Variants in IL1RAPL1 observed in about 807,000 individuals in gnomAD.
IL1RAPL1 encodes the protein interleukin-1 receptor accessory protein-like 1.
A neutral mutation model predicts 48.4 loss-of-function variants in IL1RAPL1; 3 were observed. The observed-to-expected ratio is 0.06, with a 90% confidence interval of 0.03 to 0.16. The LOEUF (loss-of-function observed/expected upper bound fraction) is 0.16. IL1RAPL1 is among the 10% of genes least tolerant of loss of function. IL1RAPL1 has a pLI of 1.00. For synonymous variants in IL1RAPL1, 185 were observed against 187.7 expected (o/e 0.99, Z 0.12); for missense variants, 349 against 530.6 (o/e 0.66, Z 3.36).
At chrX:29,603,595 C>T (rs1013547971) in intron 5 of IL1RAPL1, among the ~76,000 whole-genome samples, 6 of 111,640 alleles carry the variant, frequency 5.4e-5, no homozygotes, top group Non-Finnish European at 1.1e-4. Context: ...CACCCCCCAC[C>T]ACCTCCACTG....
chrX:29,678,121 A>G (rs1287568084), intron 6 of IL1RAPL1, among the ~76,000 whole-genome samples: 1 of 110,922 alleles, frequency 9.0e-6, no homozygotes, highest in Non-Finnish European at 1.9e-5. Flanking sequence ...TATATGTTTA[A>G]TAATTTCTTT....
At chrX:29,931,838 A>G (rs1275613975) in intron 8 of IL1RAPL1, among the ~76,000 whole-genome samples, 1 of 112,347 alleles carries the variant, frequency 8.9e-6, no homozygotes, top group Non-Finnish European at 1.9e-5. Flanking sequence ...CTTAACAAGG[A>G]GTAAAATGGC....
chrX:29,336,269 C>T (rs1174745051), intron 3 of IL1RAPL1, among the ~76,000 whole-genome samples: 7 of 57,472 alleles, frequency 1.2e-4, no homozygotes, highest in Non-Finnish European at 1.6e-4. Flanking sequence ...ATATATATGC[C>T]ATATATATAT....
intron 2 of IL1RAPL1, among the ~76,000 whole-genome samples, chrX:29,191,926 G>T (rs1014653522): frequency 9.0e-6 from 1 of 111,448 alleles, no homozygotes; most frequent in Admixed American, 9.6e-5. Flanking sequence ...GCTCCTTGTC[G>T]CACGTGGCCC....
intron 6 of IL1RAPL1, among the ~76,000 whole-genome samples, chrX:29,774,153 C>A (rs762002005): frequency 9.2e-6 from 1 of 108,403 alleles, no homozygotes; most frequent in Non-Finnish European, 1.9e-5. Context: ...CCCCTCCCCA[C>A]CCCCGCATAA....
At chrX:29,562,336 C>T (rs1388997770) in intron 5 of IL1RAPL1, among the ~76,000 whole-genome samples, 1 of 110,150 alleles carries the variant, frequency 9.1e-6, no homozygotes, top group Middle Eastern at 4.2e-3. Context: ...AGTCATAGAC[C>T]ATCACTGGAT....
At chrX:29,283,695 A>G (rs1305132391) in intron 3 of IL1RAPL1, among the ~76,000 whole-genome samples, 2 of 112,090 alleles carry the variant, frequency 1.8e-5, no homozygotes, top group East Asian at 5.6e-4. Flanking sequence ...GTTAGAGAAT[A>G]TGAAGGTTGT....
chrX:29,826,985 G>A (rs966996077), intron 6 of IL1RAPL1, among the ~76,000 whole-genome samples: 6 of 112,059 alleles, frequency 5.4e-5, no homozygotes, highest in African/African-American at 1.9e-4. Flanking sequence ...AACACTGTAT[G>A]AGTTCCAATT....
intron 1 of IL1RAPL1, among the ~76,000 whole-genome samples, chrX:28,768,701 G>C (rs6526800): frequency 0.05 from 2,817 of 56,170 alleles, 157 homozygotes; most frequent in East Asian, 0.086. Flanking sequence ...CTCTCTCTCT[G>C]TTTCTCTCTC....
chrX:29,899,475 C>T (rs1266552510), intron 6 of IL1RAPL1, among the ~76,000 whole-genome samples: 1 of 110,411 alleles, frequency 9.1e-6, no homozygotes, highest in Non-Finnish European at 1.9e-5. Context: ...ACAAGTCTTC[C>T]TCAAGAATGA....
At chrX:28,639,152 A>T (rs1934503452) in intron 1 of IL1RAPL1, among the ~76,000 whole-genome samples, 1 of 112,043 alleles carries the variant, frequency 8.9e-6, no homozygotes, top group Non-Finnish European at 1.9e-5. Flanking sequence ...AGTGCTCATT[A>T]TGTATTAATC....
intron 1 of IL1RAPL1, among the ~76,000 whole-genome samples, chrX:28,651,330 A>G (rs755665000): frequency 1.8e-4 from 20 of 112,403 alleles, no homozygotes; most frequent in Non-Finnish European, 3.6e-4. Flanking sequence ...GTCTTATTGG[A>G]ACACAGCCAC....
At chrX:28,954,672 A>T (rs911259027) in intron 2 of IL1RAPL1, among the ~76,000 whole-genome samples, 1 of 111,190 alleles carries the variant, frequency 9.0e-6, no homozygotes, top group Non-Finnish European at 1.9e-5. Context: ...TTATCATAAC[A>T]TGCATGTATT....
chrX:28,754,373 C>T lies in IL1RAPL1; in HGVS notation c.-24-34947C>T, dbSNP rs148827247. On this transcript the variant is annotated intron_variant, in intron 1 of 10. Coordinates refer to ENST00000378993, the MANE Select transcript of IL1RAPL1 (RefSeq NM_014271.4). ...TATGCCATTTTAACTTGCTCCTTTA[C>T]CATCTGAAATCTTGAAAGGGGAATA... 4.1e-4 allele frequency among the ~76,000 whole-genome samples: 46 copies of T among 112,339 alleles called. 1 individual carries two copies. The East Asian group carries it at 0.011, about 27-fold the overall frequency.
At chrX:29,129,295 G>A (rs1206213009) in intron 2 of IL1RAPL1, among the ~76,000 whole-genome samples, 2 of 110,016 alleles carry the variant, frequency 1.8e-5, no homozygotes, top group Non-Finnish European at 3.8e-5. Context: ...CCCCTGCCTC[G>A]GCCTCCCAAA....
At chrX:28,849,881 G>C (rs1921615318) in intron 2 of IL1RAPL1, among the ~76,000 whole-genome samples, 1 of 111,828 alleles carries the variant, frequency 8.9e-6, no homozygotes, top group Admixed American at 9.5e-5. Context: ...GAGCAGTGTT[G>C]CTGATTTGCT....
chrX:28,660,149 C>A (rs1342760581), intron 1 of IL1RAPL1, among the ~76,000 whole-genome samples: 6 of 92,383 alleles, frequency 6.5e-5, no homozygotes, highest in African/African-American at 2.4e-4. Flanking sequence ...GTTGGAGTTA[C>A]TGGGTTGCCA....
intron 3 of IL1RAPL1, among the ~76,000 whole-genome samples, chrX:29,377,578 G>T (rs770940126): frequency 8.9e-6 from 1 of 112,019 alleles, no homozygotes; most frequent in South Asian, 3.7e-4. Context: ...CTCAGCATTT[G>T]CTCATCTAAG....
chrX:29,873,063 A>C (rs1429838673), intron 6 of IL1RAPL1, among the ~76,000 whole-genome samples: 1 of 111,660 alleles, frequency 9.0e-6, no homozygotes, highest in Non-Finnish European at 1.9e-5. Flanking sequence ...CTGGAGGGGA[A>C]ATGAGCAGTT....
Sources: allele counts gnomAD v4.1 joint callset (sites outside exome capture counted in the v4.1 genomes callset), GRCh38; gene constraint gnomAD v4.1.1; transcripts MANE v1.5; gene names NCBI Gene and HGNC (gene_info 2026-07-23, HGNC 2026-07-21).